Variants in UBAC2 observed in about 807,000 individuals in gnomAD.
The protein encoded by UBAC2 is UBA domain containing 2.
In UBAC2, 26 loss-of-function variants were observed where a neutral mutation model predicts 44.0. The ratio of observed to expected loss-of-function variants is 0.59; its 90% CI spans 0.43 to 0.82. UBAC2 has a LOEUF of 0.82. Among genes scored for constraint, UBAC2 ranks in the 40% least tolerant of loss-of-function variants. The pLI is 0.00. For synonymous variants in UBAC2, 155 were observed against 154.3 expected (o/e 1.00, Z -0.04); for missense variants, 329 against 419.4 (o/e 0.78, Z 1.88).
In UBAC2 at chr13:99,295,593, G is replaced by T. The variant is rs1399188475; in HGVS notation, c.390-18504G>T. On this transcript the variant is annotated intron_variant, in intron 4 of 8. Transcript: ENST00000403766. This position sits in a 1 kb window ranked among gnomAD's most constrained non-coding sequence, Gnocchi z 4.1. ...AGAGATTTAGTTTCTTCAAAGTTTG[G>T]ATACTCCATGCATGTAATCCTTTCA... 4 of 1,613,932 alleles carry T rather than the reference G, an allele frequency of 2.5e-6. No individual in the cohort carries two copies. Among genetic ancestry groups the T allele is most frequent in the African/African-American group, 2.7e-5 (2 of 74,902 alleles).
intron 1 of UBAC2, among the ~76,000 whole-genome samples, chr13:99,217,664 C>T (rs552497367): frequency 2.1e-3 from 323 of 152,292 alleles, no homozygotes; most frequent in Middle Eastern, 3.4e-3. Context: ...GCCCACCCCG[C>T]GGTGCTTCTC....
chr13:99,277,100 A>AT (rs1343822530), intron 4 of UBAC2, among the ~76,000 whole-genome samples: 1 of 152,158 alleles, frequency 6.6e-6, no homozygotes, highest in Non-Finnish European at 1.5e-5. Context: ...ACTTAGAAAA[A>AT]TTTTTAGGAT....
chr13:99,203,697 C>A (rs180780693), intron 1 of UBAC2, among the ~76,000 whole-genome samples: 6 of 152,188 alleles, frequency 3.9e-5, no homozygotes, highest in Admixed American at 3.9e-4. Context: ...TGATAAGTGA[C>A]ATGAAGACAA....
At chr13:99,211,344 A>C (rs1016732415) in intron 1 of UBAC2, among the ~76,000 whole-genome samples, 1 of 152,206 alleles carries the variant, frequency 6.6e-6, no homozygotes, top group Non-Finnish European at 1.5e-5. Context: ...TGTATCATAC[A>C]ATGAAAATTT....
chr13:99,360,939 C>T (rs971630397), intron 7 of UBAC2, among the ~76,000 whole-genome samples: 3 of 152,202 alleles, frequency 2.0e-5, no homozygotes, highest in Non-Finnish European at 2.9e-5. Context: ...CCTGTGGACG[C>T]TCGAGTGCCC....
At chr13:99,228,890 T>A (rs1016015476) in intron 1 of UBAC2, among the ~76,000 whole-genome samples, 1 of 152,234 alleles carries the variant, frequency 6.6e-6, no homozygotes, top group African/African-American at 2.4e-5. Context: ...GAGGAAATAG[T>A]TGGGCTATTT....
chr13:99,298,421 G>T (rs890929617), intron 4 of UBAC2, among the ~76,000 whole-genome samples: 1 of 152,142 alleles, frequency 6.6e-6, no homozygotes. Flanking sequence ...AGAAATCACA[G>T]TGGAAATTTC....
At position 99,215,132 on chromosome 13, in the gene UBAC2, A is replaced by G. The variant is rs554829580; in HGVS notation, c.31+14193A>G. ...CAGTTTTTTAAAAACAGTCAGCTCAATCAAAGCCCAGTACTTCAGAATCAA... is the reference window on the plus strand; with the variant it reads ...CAGTTTTTTAAAAACAGTCAGCTCAGTCAAAGCCCAGTACTTCAGAATCAA... On this transcript the variant is annotated intron_variant, in intron 1 of 8. Coordinates refer to ENST00000403766, the MANE Select transcript of UBAC2 (RefSeq NM_001144072.2). Among the ~76,000 whole-genome samples, 25 of 152,346 alleles carry G rather than the reference A, an allele frequency of 1.6e-4. No homozygotes were observed. In the South Asian group the frequency reaches 5.2e-3, roughly 32 times the overall value.
intron 7 of UBAC2, among the ~76,000 whole-genome samples, chr13:99,359,609 T>C (rs1423267222): frequency 6.6e-6 from 1 of 152,188 alleles, no homozygotes; most frequent in Non-Finnish European, 1.5e-5. Flanking sequence ...CCCTCCCCGC[T>C]TGGGGGCAAC....
intron 2 of UBAC2, 65 bp from the exon 3 acceptor site, chr13:99,243,767 T>A (rs1212176280): frequency 6.8e-7 from 1 of 1,463,260 alleles, no homozygotes; most frequent in Non-Finnish European, 9.2e-7. Context: ...ATAACAAATT[T>A]GCTAAGGAAG....
At chr13:99,232,138 G>T (rs1217730484) in intron 1 of UBAC2, among the ~76,000 whole-genome samples, 1 of 152,252 alleles carries the variant, frequency 6.6e-6, no homozygotes, top group East Asian at 1.9e-4. Context: ...ACTATTAGAA[G>T]TGTGTATCTA....
At chr13:99,247,394 T>G (rs2142747418) in intron 4 of UBAC2, among the ~76,000 whole-genome samples, 1 of 151,664 alleles carries the variant, frequency 6.6e-6, no homozygotes, top group African/African-American at 2.4e-5. Context: ...TTTTGTATTT[T>G]TAGTAGAGAC....
At chr13:99,219,552 T>C (rs1170012601) in intron 1 of UBAC2, among the ~76,000 whole-genome samples, 1 of 152,180 alleles carries the variant, frequency 6.6e-6, no homozygotes, top group Admixed American at 6.5e-5. Context: ...CAACACAAAT[T>C]TGTAAACTTT....
At chr13:99,319,010 C>T (rs184414772) in intron 6 of UBAC2, among the ~76,000 whole-genome samples, 193 of 151,690 alleles carry the variant, frequency 1.3e-3, no homozygotes, top group African/African-American at 4.4e-3. Context: ...ATAGTCTGCT[C>T]ATTTTGTAAA....
intron 4 of UBAC2, among the ~76,000 whole-genome samples, chr13:99,300,728 T>C (rs2044245916): frequency 1.3e-5 from 2 of 152,196 alleles, no homozygotes; most frequent in South Asian, 4.1e-4. Flanking sequence ...GGTGAATATA[T>C]AGCGTTGAAC....
intron 8 of UBAC2, among the ~76,000 whole-genome samples, chr13:99,372,843 G>A (rs537453056): frequency 2.6e-4 from 39 of 152,180 alleles, no homozygotes; most frequent in Non-Finnish European, 4.6e-4. Flanking sequence ...GGCCGGGCGC[G>A]GTGGCCCACA....
At chr13:99,308,978 C>T (rs1454068036) in intron 4 of UBAC2, among the ~76,000 whole-genome samples, 2 of 152,174 alleles carry the variant, frequency 1.3e-5, no homozygotes, top group Admixed American at 6.5e-5. Context: ...ATAAATTTTT[C>T]AGTTTGTTGA....
chr13:99,258,803 CACTTAGTA>C (rs1270934605), intron 4 of UBAC2, among the ~76,000 whole-genome samples: 1 of 152,164 alleles, frequency 6.6e-6, no homozygotes, highest in Non-Finnish European at 1.5e-5. Context: ...TAGTACCTGG[CACTTAGTA>C]GGTACTCCTA....
chr13:99,257,820 T>A (rs2043592594), intron 4 of UBAC2, among the ~76,000 whole-genome samples: 1 of 152,156 alleles, frequency 6.6e-6, no homozygotes, highest in African/African-American at 2.4e-5. Flanking sequence ...TTGAAAAAAA[T>A]TACATTTAGT....
Sources: gnomAD v4.1 joint callset for allele counts (sites outside exome capture counted in the v4.1 genomes callset) on GRCh38, gnomAD v4.1.1 for gene constraint, Gnocchi (gnomAD v3.1) non-coding constraint, MANE v1.5 for transcripts, NCBI Gene and HGNC (gene_info 2026-07-23, HGNC 2026-07-21) for gene names.